The following HTR1F variants were observed in gnomAD, a reference collection of about 807,000 sequenced individuals.
The protein encoded by HTR1F is 5-hydroxytryptamine receptor 1F, also known as 5-hydroxytryptamine (serotonin) receptor 1F, G protein-coupled.
HTR1F carries 17 observed loss-of-function variants against 24.0 expected under a neutral mutation model. The ratio of observed to expected loss-of-function variants is 0.71; its 90% CI spans 0.48 to 1.06. The LOEUF is 1.06. HTR1F is among the 50% of genes least tolerant of loss of function. HTR1F has a pLI of 0.00. For synonymous variants in HTR1F, 186 were observed against 156.8 expected, an observed-to-expected ratio of 1.19 and a Z score of -1.39; for missense variants, 391 against 427.8, an observed-to-expected ratio of 0.91 and a Z score of 0.76.
intron 2 of HTR1F, among the ~76,000 whole-genome samples, chr3:87,891,824 A>G (rs1464976877): frequency 6.6e-6 from 1 of 152,186 alleles, no homozygotes; most frequent in African/African-American, 2.4e-5. Context: ...CCATTCATTC[A>G]GACATAATTA....
intron 2 of HTR1F, among the ~76,000 whole-genome samples, chr3:87,879,352 C>T (rs1206252652): frequency 3.3e-5 from 5 of 152,100 alleles, no homozygotes; most frequent in African/African-American, 1.2e-4. Context: ...AGTCTTAGTA[C>T]TGATGTATAT....
At chr3:87,952,267 C>T (rs773872300) in intron 2 of HTR1F, among the ~76,000 whole-genome samples, 10 of 151,988 alleles carry the variant, frequency 6.6e-5, no homozygotes, top group Non-Finnish European at 1.5e-4. Context: ...TTTTTAACAA[C>T]AGCAATAATT....
intron 2 of HTR1F, among the ~76,000 whole-genome samples, chr3:87,932,522 A>G (rs1324169812): frequency 6.6e-6 from 1 of 152,150 alleles, no homozygotes; most frequent in Non-Finnish European, 1.5e-5. Context: ...TGACTTGGCA[A>G]TGTGGGCTCT....
At chr3:87,907,373 AT>A (rs35373313) in intron 2 of HTR1F, among the ~76,000 whole-genome samples, 13,413 of 146,196 alleles carry the variant, frequency 0.092, 1,865 homozygotes, top group African/African-American at 0.3. Flanking sequence ...TTTTGAAGGG[AT>A]TTTTTTTTTT....
chr3:87,811,134 A>T (rs532202118), intron 1 of HTR1F, among the ~76,000 whole-genome samples: 62 of 152,266 alleles, frequency 4.1e-4, no homozygotes, highest in African/African-American at 1.4e-3. Context: ...CTCATATAGG[A>T]AACACTTAAA....
intron 2 of HTR1F, among the ~76,000 whole-genome samples, chr3:87,959,430 A>T (rs1418988709): frequency 1.3e-5 from 2 of 151,884 alleles, no homozygotes; most frequent in African/African-American, 4.8e-5. Context: ...TTGTATGGTC[A>T]CTTTGTTACT....
At chr3:87,865,317 A>C (rs1173749931) in intron 2 of HTR1F, among the ~76,000 whole-genome samples, 1 of 152,114 alleles carries the variant, frequency 6.6e-6, no homozygotes, top group Non-Finnish European at 1.5e-5. Flanking sequence ...TTTTTATTGA[A>C]ATTTAAAATA....
At chr3:87,858,128 GT>G (rs1401742160) in intron 2 of HTR1F, among the ~76,000 whole-genome samples, 1 of 152,086 alleles carries the variant, frequency 6.6e-6, no homozygotes, top group Non-Finnish European at 1.5e-5. Flanking sequence ...ATTATTTTCA[GT>G]AAATCTTAAG....
At chr3:87,886,987 C>T (rs566499861) in intron 2 of HTR1F, among the ~76,000 whole-genome samples, 6 of 152,028 alleles carry the variant, frequency 3.9e-5, no homozygotes, top group Non-Finnish European at 8.8e-5. Context: ...TTAAAGTTCA[C>T]ATGGAACCGT....
intron 2 of HTR1F, among the ~76,000 whole-genome samples, chr3:87,864,227 C>G (rs1024688566): frequency 6.6e-6 from 1 of 152,158 alleles, no homozygotes. Flanking sequence ...TTCACAGTTT[C>G]TGGGCATTAG....
intron 2 of HTR1F, among the ~76,000 whole-genome samples, chr3:87,919,155 A>G (rs530349822): frequency 4.0e-4 from 61 of 152,282 alleles, no homozygotes; most frequent in African/African-American, 1.3e-3. Context: ...TGATGCTGGG[A>G]TAACTGGCTA....
intron 2 of HTR1F, among the ~76,000 whole-genome samples, chr3:87,938,273 T>A (rs994013527): frequency 1.3e-5 from 2 of 152,096 alleles, no homozygotes; most frequent in African/African-American, 2.4e-5. Context: ...ACAAAACTGC[T>A]CAAAGAAATC....
chr3:87,927,887 T>C (rs961300619), intron 2 of HTR1F, among the ~76,000 whole-genome samples: 1 of 152,216 alleles, frequency 6.6e-6, no homozygotes, highest in Middle Eastern at 3.4e-3. Context: ...GATTCTACAA[T>C]GCATTAATTT....
intron 2 of HTR1F, among the ~76,000 whole-genome samples, chr3:87,843,878 T>C (rs1177712970): frequency 6.6e-6 from 1 of 151,804 alleles, no homozygotes; most frequent in Non-Finnish European, 1.5e-5. Flanking sequence ...TATGGCTGCA[T>C]AGTATTCCAT....
chr3:87,848,258 G>A (rs1008734057), intron 2 of HTR1F, among the ~76,000 whole-genome samples: 1 of 151,738 alleles, frequency 6.6e-6, no homozygotes, highest in African/African-American at 2.4e-5. Flanking sequence ...GCATTTCCCT[G>A]GAGATTACTG....
chr3:87,902,401 G>T (rs1173879890), intron 2 of HTR1F, among the ~76,000 whole-genome samples: 2 of 151,966 alleles, frequency 1.3e-5, no homozygotes, highest in Non-Finnish European at 2.9e-5. Context: ...CCACAGCATG[G>T]GGAAAAAAAG....
intron 1 of HTR1F, among the ~76,000 whole-genome samples, chr3:87,793,781 G>A (rs1403233209): frequency 2.6e-5 from 4 of 152,104 alleles, no homozygotes; most frequent in Non-Finnish European, 5.9e-5. Flanking sequence ...GAAGCCTTAA[G>A]GAGCAGATTT....
intron 2 of HTR1F, among the ~76,000 whole-genome samples, chr3:87,946,245 CG>C (rs1379086819): frequency 6.6e-6 from 1 of 152,102 alleles, no homozygotes; most frequent in Admixed American, 6.5e-5. Flanking sequence ...CGGCGGCAAA[CG>C]GCAGTGGTGG....
At chr3:87,876,230 G>A (rs866541722) in intron 2 of HTR1F, among the ~76,000 whole-genome samples, 45 of 152,264 alleles carry the variant, frequency 3.0e-4, no homozygotes, top group Middle Eastern at 3.4e-3. Flanking sequence ...ATTACCACAT[G>A]ATCCAGCAAT....
Sources: allele counts gnomAD v4.1 joint callset (sites outside exome capture counted in the v4.1 genomes callset), GRCh38; gene constraint gnomAD v4.1.1; transcripts MANE v1.5; gene names NCBI Gene and HGNC (gene_info 2026-07-23, HGNC 2026-07-21).